Variants in VAV1 observed in about 807,000 individuals in gnomAD.
VAV1 encodes the protein proto-oncogene vav.
A neutral mutation model predicts 128.1 loss-of-function variants in VAV1; 33 were observed. The ratio of observed to expected loss-of-function variants is 0.26; its 90% CI spans 0.20 to 0.34. The LOEUF (loss-of-function observed/expected upper bound fraction) is 0.34. Among genes scored for constraint, VAV1 ranks in the 10% least tolerant of loss-of-function variants. The probability of loss-of-function intolerance (pLI) is 1.00; values close to 1 mark genes in which losing one functional copy is unlikely to be tolerated. For synonymous variants in VAV1, 394 were observed against 409.8 expected (o/e 0.96, Z 0.47); for missense variants, 715 against 1,093.7 (o/e 0.65, Z 4.88).
chr19:6,776,900 G>A (rs2144686709), intron 1 of VAV1, among the ~76,000 whole-genome samples: 1 of 152,216 alleles, frequency 6.6e-6, no homozygotes, highest in Non-Finnish European at 1.5e-5. Flanking sequence ...TGGGACTACA[G>A]GCACCCGCCA....
intron 1 of VAV1, among the ~76,000 whole-genome samples, chr19:6,796,353 G>A (rs528312787): frequency 2.0e-5 from 3 of 151,046 alleles, no homozygotes; most frequent in East Asian, 1.9e-4. Context: ...GGTGCTTGGG[G>A]TGACAGCCAC....
chr19:6,780,715 G>T (rs1970751451), intron 1 of VAV1, among the ~76,000 whole-genome samples: 1 of 146,382 alleles, frequency 6.8e-6, no homozygotes, highest in Non-Finnish European at 1.5e-5. Flanking sequence ...GGGATTACAG[G>T]CACGTGCCAC....
intron 1 of VAV1, among the ~76,000 whole-genome samples, chr19:6,778,022 C>T (rs1191676722): frequency 6.6e-6 from 1 of 152,078 alleles, no homozygotes; most frequent in Non-Finnish European, 1.5e-5. Flanking sequence ...CTGCAACCTC[C>T]TCCTCCCGGG....
At chr19:6,837,778 A>G (rs964685153) in intron 21 of VAV1, among the ~76,000 whole-genome samples, 1 of 152,152 alleles carries the variant, frequency 6.6e-6, no homozygotes, top group African/African-American at 2.4e-5. Context: ...TGGAAGAGTT[A>G]AAAGTGAGTT....
chr19:6,774,867 G>A (rs955756012), intron 1 of VAV1, among the ~76,000 whole-genome samples: 5 of 151,188 alleles, frequency 3.3e-5, no homozygotes, highest in Non-Finnish European at 4.4e-5. Flanking sequence ...TGGTTCTCCT[G>A]TCCCAGCCTC....
At chr19:6,783,990 A>G (rs1970829453) in intron 1 of VAV1, 1 of 384,134 alleles carries the variant, frequency 2.6e-6, no homozygotes, top group South Asian at 1.3e-4. Flanking sequence ...ATGGTGGCTC[A>G]TGCCTGTAAT....
intron 20 of VAV1, among the ~76,000 whole-genome samples, 196 bp from the exon 21 acceptor site, chr19:6,836,789 C>T (rs575544950): frequency 5.6e-4 from 85 of 150,692 alleles, no homozygotes; most frequent in African/African-American, 2.0e-3. Flanking sequence ...CCAGGCCATC[C>T]TGAGATAGAT....
chr19:6,776,354 A>G (rs191661796), intron 1 of VAV1, among the ~76,000 whole-genome samples: 16 of 104,312 alleles, frequency 1.5e-4, no homozygotes, highest in African/African-American at 7.1e-4. Flanking sequence ...CCACTCATCT[A>G]TCCATCCATC....
intron 1 of VAV1, among the ~76,000 whole-genome samples, chr19:6,784,494 T>C (rs1385242673): frequency 2.3e-5 from 2 of 86,090 alleles, no homozygotes; most frequent in East Asian, 2.8e-4. Flanking sequence ...ATTCTGTTCC[T>C]TTTTTTTTTT....
chr19:6,803,491 C>G (rs1228735527), intron 1 of VAV1, among the ~76,000 whole-genome samples: 1 of 152,140 alleles, frequency 6.6e-6, no homozygotes, highest in African/African-American at 2.4e-5. Context: ...GTTGTCTGAG[C>G]CCCACCTCCA....
intron 1 of VAV1, among the ~76,000 whole-genome samples, chr19:6,788,616 G>A (rs1430798820): frequency 2.6e-5 from 4 of 152,020 alleles, no homozygotes; most frequent in African/African-American, 9.7e-5. Context: ...CACGTGATCT[G>A]CCCACCTCGG....
rs117819421 is a variant in VAV1, at chr19:6,826,619, G to A, written c.835G>A (p.Val279Ile). Residue 279 changes from valine (V) to isoleucine (I), a missense_variant, in exon 9 of 27, where the codon GTC becomes ATC. Physicochemically the swap from Val to Ile is conservative, Grantham distance 29. Around this residue, in one of 3 missense-constraint regions of VAV1, gnomAD observed 302 missense variants for 477.8 expected, o/e 0.63. Transcript: ENST00000602142. This position sits in a 1 kb window ranked among gnomAD's most constrained non-coding sequence, Gnocchi z 4.1. ...VFIKYKERFLVYGRYCSQVES... is the reference protein window; with the variant it reads ...VFIKYKERFLIYGRYCSQVES... ...CCTGTCTTCTCCCTGTAGGTTCCTCGTCTATGGCCGCTACTGCAGCCAGGT... is the reference window on the plus strand; with the variant it reads ...CCTGTCTTCTCCCTGTAGGTTCCTCATCTATGGCCGCTACTGCAGCCAGGT... 10,272 of 1,553,770 alleles carry A rather than the reference G, an allele frequency of 6.6e-3. 41 individuals are homozygous for A. Among genetic ancestry groups the A allele is most frequent in the Non-Finnish European group, 7.8e-3 (8,919 of 1,148,842 alleles).
intron 1 of VAV1, among the ~76,000 whole-genome samples, chr19:6,815,291 G>A (rs1346793088): frequency 6.6e-6 from 1 of 152,040 alleles, no homozygotes; most frequent in Non-Finnish European, 1.5e-5. Flanking sequence ...GGGACTACTG[G>A]CCATCACACC....
intron 1 of VAV1, among the ~76,000 whole-genome samples, chr19:6,780,165 TC>T (rs1970740477): frequency 6.8e-6 from 1 of 146,194 alleles, no homozygotes; most frequent in Non-Finnish European, 1.5e-5. Flanking sequence ...AATAACCTCA[TC>T]CATGAATCAT....
intron 1 of VAV1, among the ~76,000 whole-genome samples, chr19:6,783,473 T>TTC (rs1970812096): frequency 6.7e-6 from 1 of 149,270 alleles, no homozygotes; most frequent in Non-Finnish European, 1.5e-5. Flanking sequence ...CTCCATCCTT[T>TTC]TTTTTTTTTT....
rs946249999 is a variant in VAV1 at position 6,777,518 on chromosome 19, G to A, written c.204+4507G>A. 6.6e-6 allele frequency among the ~76,000 whole-genome samples: 1 copy of A among 152,202 alleles called. No individual in the cohort carries two copies. Among genetic ancestry groups the A allele is most frequent in the African/African-American group, 2.4e-5 (1 of 41,454 alleles). On this transcript the variant is annotated intron_variant, in intron 1 of 26. Coordinates refer to ENST00000602142, the MANE Select transcript of VAV1 (RefSeq NM_005428.4). The surrounding 1 kb of genome is among the most constrained non-coding windows in gnomAD (Gnocchi z 4.4). ...TGACGAGGAGGGCTAGTGGTAAGGT[G>A]ACATTGCAGCAGAGACCTGGGGAAA...
Position 6,773,094 on chromosome 19 carries a change from C to T in VAV1, c.204+83C>T, listed in dbSNP as rs73500366. Reference sequence around the variant, plus strand: ...TGACAGTCGAGGGGCTGACGTGCTGCTCCACCTCTGGGCCTGCAAAGGAGA... The same window carrying T: ...TGACAGTCGAGGGGCTGACGTGCTGTTCCACCTCTGGGCCTGCAAAGGAGA... On this transcript the variant is annotated intron_variant, in intron 1 of 26. Coordinates refer to ENST00000602142, the MANE Select transcript of VAV1 (RefSeq NM_005428.4). The T allele has an allele frequency of 6.2e-4, 954 of 1,541,982 alleles. 2 individuals carry two copies. In the African/African-American group the frequency reaches 0.011, roughly 18 times the overall value.
At chr19:6,829,543 C>T (rs550665036) in intron 13 of VAV1, among the ~76,000 whole-genome samples, 9 of 152,056 alleles carry the variant, frequency 5.9e-5, no homozygotes, top group Non-Finnish European at 1.2e-4. Context: ...CCAGAGAAGG[C>T]GGTGGAGCCT....
Position 6,834,061 on chromosome 19 carries a change from G to T in VAV1, c.1777+108G>T, listed in dbSNP as rs940389853. 7.3e-6 allele frequency: 11 copies of T among 1,502,456 alleles called. No homozygotes were observed. The African/African-American group carries it at 1.4e-4, about 19-fold the overall frequency. The allele number at this position is 1,502,456 out of a possible 1,614,324, so 93.1% of individuals were successfully genotyped here. On this transcript the variant is annotated intron_variant, in intron 19 of 26. Transcript: ENST00000602142. Reference sequence around the variant, plus strand: ...CATATTAACAGCCACATTGGGCCGGGTGCAATAGCTCACACCTGTAATCCC... The same window carrying T: ...CATATTAACAGCCACATTGGGCCGGTTGCAATAGCTCACACCTGTAATCCC...
Sources: allele counts gnomAD v4.1 joint callset (sites outside exome capture counted in the v4.1 genomes callset), GRCh38; gene constraint gnomAD v4.1.1; regional missense constraint gnomAD v4.1.1; non-coding constraint Gnocchi (gnomAD v3.1); transcripts MANE v1.5; gene names NCBI Gene and HGNC (gene_info 2026-07-23, HGNC 2026-07-21).